The following BRINP1 variants were observed in gnomAD, a reference collection of about 807,000 sequenced individuals.
The protein encoded by BRINP1 is BMP/retinoic acid-inducible neural-specific protein 1.
Under a neutral mutation model 72.9 loss-of-function variants are expected in BRINP1, and 17 were observed. That is an observed-to-expected ratio of 0.23 (90% CI 0.16 to 0.35). The LOEUF is 0.35. Ranked by LOEUF, BRINP1 falls within the 10% of genes least tolerant of loss-of-function variation. The probability of loss-of-function intolerance (pLI) is 1.00; values close to 1 mark genes in which losing one functional copy is unlikely to be tolerated. For synonymous variants in BRINP1, 418 were observed against 378.5 expected (o/e 1.10, Z -1.21); for missense variants, 850 against 1,001.6 (o/e 0.85, Z 2.04).
intron 7 of BRINP1, among the ~76,000 whole-genome samples, chr9:119,173,807 GA>G (rs1829448011): frequency 6.9e-6 from 1 of 144,834 alleles, no homozygotes; most frequent in African/African-American, 2.8e-5. Flanking sequence ...TAGATCAATG[GA>G]CCAGAACAGA....
At chr9:119,195,501 A>G (rs968257735) in intron 7 of BRINP1, among the ~76,000 whole-genome samples, 10 of 152,238 alleles carry the variant, frequency 6.6e-5, no homozygotes, top group South Asian at 2.1e-4. Flanking sequence ...CCGATCACAT[A>G]ACATCATCAG....
chr9:119,310,025 C>T (rs1831044609), intron 2 of BRINP1, among the ~76,000 whole-genome samples: 2 of 152,152 alleles, frequency 1.3e-5, no homozygotes, highest in Non-Finnish European at 2.9e-5. Flanking sequence ...AATCTCTAGA[C>T]TCCAGACCCA....
intron 5 of BRINP1, among the ~76,000 whole-genome samples, chr9:119,221,464 A>G (rs1052210411): frequency 7.2e-5 from 11 of 152,144 alleles, no homozygotes; most frequent in African/African-American, 2.7e-4. Context: ...CATCGCTGAC[A>G]GCTCATTGGA....
intron 1 of BRINP1, among the ~76,000 whole-genome samples, chr9:119,357,547 G>C (rs992031077): frequency 2.0e-5 from 3 of 152,266 alleles, no homozygotes; most frequent in African/African-American, 7.2e-5. Context: ...ATTTCCTGCC[G>C]AGGCACTGTG....
At chr9:119,319,160 A>C (rs1831158736) in intron 1 of BRINP1, among the ~76,000 whole-genome samples, 1 of 152,020 alleles carries the variant, frequency 6.6e-6, no homozygotes, top group African/African-American at 2.4e-5. Flanking sequence ...CTTTTTACAG[A>C]TCATAACCTG....
At chr9:119,229,478 T>C (rs1317865478) in intron 5 of BRINP1, among the ~76,000 whole-genome samples, 1 of 152,062 alleles carries the variant, frequency 6.6e-6, no homozygotes, top group Non-Finnish European at 1.5e-5. Flanking sequence ...TAAGGTCCGT[T>C]TGACTCCAGG....
At chr9:119,237,424 A>G (rs1830202857) in intron 5 of BRINP1, among the ~76,000 whole-genome samples, 1 of 151,318 alleles carries the variant, frequency 6.6e-6, no homozygotes, top group Admixed American at 6.6e-5. Flanking sequence ...GTAGTGGTGC[A>G]TGATCTTGGC....
chr9:119,313,024 C>T, intron 2 of BRINP1, 114 bp downstream of exon 2: 1 of 1,223,284 alleles, frequency 8.2e-7, no homozygotes, highest in Non-Finnish European at 1.1e-6. Flanking sequence ...GTGGAAGGAG[C>T]ACAGACCCTT....
intron 1 of BRINP1, 117 bp from the exon 2 acceptor site, chr9:119,313,522 T>A: frequency 2.3e-6 from 2 of 871,138 alleles, no homozygotes; most frequent in Non-Finnish European, 3.4e-6. Flanking sequence ...GATTAACACA[T>A]CTTCATAATA....
chr9:119,216,113 C>T (rs961011670), intron 5 of BRINP1, among the ~76,000 whole-genome samples: 1 of 152,180 alleles, frequency 6.6e-6, no homozygotes, highest in African/African-American at 2.4e-5. Flanking sequence ...GATGATGCCA[C>T]TCCTCTGATT....
At chr9:119,339,168 A>AG (rs1831383746) in intron 1 of BRINP1, among the ~76,000 whole-genome samples, 1 of 152,216 alleles carries the variant, frequency 6.6e-6, no homozygotes, top group South Asian at 2.1e-4. Context: ...TATGGGCCAC[A>AG]GTGTCTCTAT....
At chr9:119,267,346 T>C (rs1432692061) in intron 2 of BRINP1, among the ~76,000 whole-genome samples, 1 of 151,982 alleles carries the variant, frequency 6.6e-6, no homozygotes, top group African/African-American at 2.4e-5. Context: ...TTAAGAAGCC[T>C]ATTAAAGACC....
intron 2 of BRINP1, among the ~76,000 whole-genome samples, chr9:119,308,063 A>C (rs1831016821): frequency 6.6e-6 from 1 of 152,236 alleles, no homozygotes; most frequent in South Asian, 2.1e-4. Context: ...ATACCAGATA[A>C]AGTACAATGC....
At chr9:119,198,514 T>G (rs2118859526) in intron 7 of BRINP1, among the ~76,000 whole-genome samples, 1 of 152,272 alleles carries the variant, frequency 6.6e-6, no homozygotes, top group African/African-American at 2.4e-5. Context: ...TCTTAAGTTC[T>G]TTTTTTCTTT....
At chr9:119,228,571 G>A (rs931833024) in intron 5 of BRINP1, among the ~76,000 whole-genome samples, 4 of 151,992 alleles carry the variant, frequency 2.6e-5, no homozygotes, top group African/African-American at 9.7e-5. Flanking sequence ...TCCTGTGTAT[G>A]TGCATGTGTG....
At chr9:119,183,699 G>C (rs1056649345) in intron 7 of BRINP1, among the ~76,000 whole-genome samples, 8 of 152,174 alleles carry the variant, frequency 5.3e-5, no homozygotes, top group Non-Finnish European at 1.2e-4. Context: ...AGCAAAACAT[G>C]ACATTTTCAT....
intron 2 of BRINP1, among the ~76,000 whole-genome samples, chr9:119,268,616 A>G (rs1487340236): frequency 6.6e-6 from 1 of 152,202 alleles, no homozygotes; most frequent in African/African-American, 2.4e-5. Context: ...TATCTATGGC[A>G]ATCGTGTCAC....
intron 7 of BRINP1, among the ~76,000 whole-genome samples, chr9:119,189,818 T>C (rs1829664312): frequency 6.6e-6 from 1 of 152,044 alleles, no homozygotes; most frequent in Non-Finnish European, 1.5e-5. Context: ...TTAGACCAAA[T>C]GGACCTAACA....
chr9:119,329,625 C>T (rs1365021891), intron 1 of BRINP1, among the ~76,000 whole-genome samples: 2 of 152,138 alleles, frequency 1.3e-5, no homozygotes, highest in Non-Finnish European at 1.5e-5. Flanking sequence ...AACTGAGCTC[C>T]CATTTGATCT....
Sources: gnomAD v4.1 joint callset for allele counts (sites outside exome capture counted in the v4.1 genomes callset) on GRCh38, gnomAD v4.1.1 for gene constraint, MANE v1.5 for transcripts, NCBI Gene and HGNC (gene_info 2026-07-23, HGNC 2026-07-21) for gene names.